Variants in SLC44A1 observed in about 807,000 individuals in gnomAD.
SLC44A1 encodes solute carrier family 44 member 1.
SLC44A1 carries 26 observed loss-of-function variants against 79.3 expected under a neutral mutation model. The observed-to-expected ratio is 0.33, with a 90% CI of 0.24 to 0.46. SLC44A1 has a LOEUF of 0.46. Ranked by LOEUF, SLC44A1 falls within the 20% of genes least tolerant of loss-of-function variation. The probability of loss-of-function intolerance (pLI) is 1.00; values close to 1 mark genes in which losing one functional copy is unlikely to be tolerated. For synonymous variants in SLC44A1, 263 were observed against 286.2 expected (o/e 0.92, Z 0.82); for missense variants, 688 against 798.1 (o/e 0.86, Z 1.66).
chr9:105,332,118 C>CT (rs34173274), intron 3 of SLC44A1, among the ~76,000 whole-genome samples: 4,868 of 128,222 alleles, frequency 0.038, 126 homozygotes, highest in Non-Finnish European at 0.048. Context: ...TTCTTTGTTT[C>CT]TTTTTTTTTT....
chr9:105,376,220 C>A (rs964386219), intron 13 of SLC44A1, among the ~76,000 whole-genome samples: 5 of 151,838 alleles, frequency 3.3e-5, no homozygotes, highest in Admixed American at 3.3e-4. Context: ...TCAGAATTCA[C>A]CATCTTTATT....
intron 1 of SLC44A1, among the ~76,000 whole-genome samples, chr9:105,278,605 T>A (rs978593140): frequency 6.6e-6 from 1 of 152,148 alleles, no homozygotes; most frequent in Non-Finnish European, 1.5e-5. Flanking sequence ...GGTCTCGAAC[T>A]CCTGACCTCA....
At position 105,417,629 on chromosome 9, in the gene SLC44A1, AAC is replaced by A. The variant is rs1430067417; in HGVS notation, c.1951-20646_1951-20645del. Among the ~76,000 whole-genome samples, 22 of 152,268 alleles carry A rather than the reference AAC, an allele frequency of 1.4e-4. 1 individual carries two copies. Among genetic ancestry groups the A allele is most frequent in the African/African-American group, 5.1e-4 (21 of 41,568 alleles). ...TGATTATATCCTGAAACCAGTGCCC[AAC>A]ACACAGCAGATTCTTAATAAATGCT... On this transcript the variant is annotated intron_variant, in intron 15 of 15. Coordinates refer to the SLC44A1 transcript ENST00000374724.
intron 3 of SLC44A1, 96 bp from the exon 4 acceptor site, chr9:105,335,466 TG>T: frequency 1.2e-6 from 1 of 823,358 alleles, no homozygotes; most frequent in Non-Finnish European, 1.8e-6. Context: ...TGGAGGAATG[TG>T]GAATAGATGT....
At chr9:105,347,286 G>T (rs925203729) in intron 4 of SLC44A1, among the ~76,000 whole-genome samples, 1 of 151,922 alleles carries the variant, frequency 6.6e-6, no homozygotes, top group Non-Finnish European at 1.5e-5. Flanking sequence ...AAGCTATTCT[G>T]TTTATTTAAT....
At chr9:105,268,402 G>A (rs1457842857) in intron 1 of SLC44A1, among the ~76,000 whole-genome samples, 2 of 152,140 alleles carry the variant, frequency 1.3e-5, no homozygotes, top group African/African-American at 4.8e-5. Flanking sequence ...TTTCAGTGGA[G>A]TTTTGGAAGG....
Position 105,392,956 on chromosome 9 carries a change from T to TA in SLC44A1, c.*3910dup, listed in dbSNP as rs35765843. The TA allele has an allele frequency of 1.8e-3, 1,595 of 892,550 alleles. No homozygotes were observed. Among genetic ancestry groups the TA allele is most frequent in the Non-Finnish European group, 1.9e-3 (1,444 of 747,540 alleles). The allele number at this position is 892,550 out of a possible 1,614,324, so 55.3% of individuals were successfully genotyped here. A position where few individuals can be genotyped will look rare whatever the true frequency, so the allele number is the denominator to read the frequency against. On this transcript the variant is annotated 3_prime_UTR_variant, in exon 16 of 16. Transcript: ENST00000374720. ...CTTTACTGCTTTTCTACTGCTACTT[T>TA]AAAAAAAAAACAACAACAACAAATA... is the stretch of plus-strand genomic sequence containing the variant.
intron 15 of SLC44A1, among the ~76,000 whole-genome samples, chr9:105,407,804 A>G (rs1383101275): frequency 6.6e-6 from 1 of 152,124 alleles, no homozygotes; most frequent in African/African-American, 2.4e-5. Context: ...TGGGAGGTGG[A>G]GATTACAGTG....
chr9:105,327,138 C>T (rs1358932008), intron 3 of SLC44A1, among the ~76,000 whole-genome samples: 1 of 152,194 alleles, frequency 6.6e-6, no homozygotes, highest in Non-Finnish European at 1.5e-5. Context: ...CATTCCCACC[C>T]TAGTTCAAGT....
intron 3 of SLC44A1, among the ~76,000 whole-genome samples, chr9:105,333,464 TAGTA>T (rs1176563327): frequency 1.3e-5 from 2 of 152,270 alleles, no homozygotes; most frequent in Middle Eastern, 3.4e-3. Flanking sequence ...GTCTGATAAA[TAGTA>T]AGTACTCAAT....
At position 105,391,349 on chromosome 9, in the gene SLC44A1, T is replaced by G; in HGVS notation, c.*2293T>G. On this transcript the variant is annotated 3_prime_UTR_variant, in exon 16 of 16. Transcript: ENST00000374720. Reference sequence around the variant, plus strand: ...TTTGTATTTTTGTATAACTTGATTGTGTGCCATTTTATATAACAGGTCCTG... The same window carrying G: ...TTTGTATTTTTGTATAACTTGATTGGGTGCCATTTTATATAACAGGTCCTG... 1.0e-6 allele frequency: 1 copy of G among 984,608 alleles called. No homozygotes were observed. Among genetic ancestry groups the G allele is most frequent in the South Asian group, 4.7e-5 (1 of 21,254 alleles). 61.0% of individuals were successfully genotyped at this position (984,608 alleles called of 1,614,324 possible). A position where few individuals can be genotyped will look rare whatever the true frequency, so the allele number is the denominator to read the frequency against.
intron 2 of SLC44A1, among the ~76,000 whole-genome samples, chr9:105,301,563 TTCTC>T (rs539688980): frequency 6.6e-6 from 1 of 152,200 alleles, no homozygotes; most frequent in African/African-American, 2.4e-5. Flanking sequence ...TTTAGACGAT[TTCTC>T]TCTCTTTGGA....
chr9:105,244,945 C>A, intron 1 of SLC44A1, 41 bp downstream of exon 1: 1 of 1,099,864 alleles, frequency 9.1e-7, no homozygotes, highest in Non-Finnish European at 1.1e-6. Context: ...CCGGATGCCT[C>A]CCGTGCGCCG....
chr9:105,304,260 A>T lies in SLC44A1; in HGVS notation c.126+4951A>T, dbSNP rs190183115. Among the ~76,000 whole-genome samples, 465 of 152,260 alleles carry T rather than the reference A, an allele frequency of 3.1e-3. 2 individuals carry two copies. Among genetic ancestry groups the T allele is most frequent in the South Asian group, 6.0e-3 (29 of 4,822 alleles). Reference sequence around the variant, plus strand: ...TTGAGCGTGCAGAACAGAGTGAGAGATTCACTGCAGTATTTAGACACCTGT... The same window carrying T: ...TTGAGCGTGCAGAACAGAGTGAGAGTTTCACTGCAGTATTTAGACACCTGT... On this transcript the variant is annotated intron_variant, in intron 2 of 15. Transcript: ENST00000374720.
chr9:105,419,537 C>T (rs969848581), intron 15 of SLC44A1, among the ~76,000 whole-genome samples: 1 of 152,174 alleles, frequency 6.6e-6, no homozygotes, highest in Non-Finnish European at 1.5e-5. Flanking sequence ...TCCCAACTTA[C>T]AGGTATAGCC....
chr9:105,244,792 C>T lies in SLC44A1; in HGVS notation c.-77C>T. The T allele has an allele frequency of 1.0e-6, 1 of 956,626 alleles. No homozygotes were observed. Among genetic ancestry groups the T allele is most frequent in the Non-Finnish European group, 1.3e-6 (1 of 767,428 alleles). The allele number at this position is 956,626 out of a possible 1,614,324, so 59.3% of individuals were successfully genotyped here. A position where few individuals can be genotyped will look rare whatever the true frequency, so the allele number is the denominator to read the frequency against. Reference sequence around the variant, plus strand: ...GCCAGGCCGCGCCCTCCCCGGGCGCCCGCCGGCTCGCATGCCGAGGGGCTC... The same window carrying T: ...GCCAGGCCGCGCCCTCCCCGGGCGCTCGCCGGCTCGCATGCCGAGGGGCTC... On this transcript the variant is annotated 5_prime_UTR_variant, in exon 1 of 16. Coordinates refer to ENST00000374720, the MANE Select transcript of SLC44A1 (RefSeq NM_080546.5).
At chr9:105,276,565 C>CGTGT (rs60259632) in intron 1 of SLC44A1, among the ~76,000 whole-genome samples, 5,877 of 118,886 alleles carry the variant, frequency 0.049, 381 homozygotes, top group South Asian at 0.069. Context: ...GATGGGGAGC[C>CGTGT]GTGTGTGTGT....
intron 1 of SLC44A1, among the ~76,000 whole-genome samples, chr9:105,279,554 G>C (rs1033474145): frequency 3.9e-5 from 6 of 152,008 alleles, no homozygotes; most frequent in Non-Finnish European, 5.9e-5. Flanking sequence ...TTGACCTCGT[G>C]AGCCGCCCGC....
At chr9:105,263,279 C>T (rs1373531450) in intron 1 of SLC44A1, among the ~76,000 whole-genome samples, 7 of 152,124 alleles carry the variant, frequency 4.6e-5, no homozygotes, top group African/African-American at 9.7e-5. Flanking sequence ...TTTGCACTAC[C>T]GAGCTCTGTG....
Sources: allele counts gnomAD v4.1 joint callset (sites outside exome capture counted in the v4.1 genomes callset), GRCh38; gene constraint gnomAD v4.1.1; transcripts MANE v1.5; gene names NCBI Gene and HGNC (gene_info 2026-07-23, HGNC 2026-07-21).